CEP112: variants seen among roughly 807,000 people sequenced by gnomAD.
The protein encoded by CEP112 is centrosomal protein of 112 kDa.
In CEP112, 127 loss-of-function variants were observed where a neutral mutation model predicts 153.0. That is an observed-to-expected ratio of 0.83 (90% CI 0.72 to 0.96). CEP112 has a LOEUF of 0.96. Among genes scored for constraint, CEP112 ranks in the 40% least tolerant of loss-of-function variants. The pLI is 0.00. For synonymous variants in CEP112, 358 were observed against 374.4 expected (o/e 0.96, Z 0.51); for missense variants, 1,089 against 1,101.2 (o/e 0.99, Z 0.16).
chr17:65,969,357 T>G (rs890782905), intron 17 of CEP112, among the ~76,000 whole-genome samples: 4 of 152,166 alleles, frequency 2.6e-5, no homozygotes, highest in Non-Finnish European at 4.4e-5. Context: ...TGAAAAATAT[T>G]TAAGATTAAC....
intron 20 of CEP112, among the ~76,000 whole-genome samples, chr17:65,896,353 A>G (rs2059658760): frequency 6.6e-6 from 1 of 152,054 alleles, no homozygotes. Context: ...GTTTAATCAC[A>G]GGTATATATA....
chr17:66,176,938 C>T lies in CEP112; in HGVS notation c.189G>A (p.Arg63=). The T allele has an allele frequency of 6.2e-7, 1 of 1,613,978 alleles. No homozygotes were observed. Among genetic ancestry groups the T allele is most frequent in the East Asian group, 2.2e-5 (1 of 44,872 alleles). ...TGAGIMGRKN[R]NLYAKLLLHM... is the part of the protein sequence containing the mutation. The stretch of plus-strand genomic sequence containing the variant: ...GCAATAACAATTTTGCATACAGGTT[C>T]CGATTCTTCCTCCCCATTATTCCTG... Residue 63 remains arginine, a synonymous_variant, in exon 3 of 27, where the codon CGG becomes CGA. Transcript: ENST00000535342.
Position 65,970,696 on chromosome 17 carries a change from T to C in CEP112, c.1737-9098A>G, listed in dbSNP as rs1044015286. 2.4e-4 allele frequency among the ~76,000 whole-genome samples: 33 copies of C among 137,730 alleles called. No individual in the cohort carries two copies. The Admixed American group carries it at 2.6e-3, about 11-fold the overall frequency. 90.4% of individuals were successfully genotyped at this position (137,730 alleles called of 152,430 possible). A position where few individuals can be genotyped will look rare whatever the true frequency, so the allele number is the denominator to read the frequency against. The stretch of plus-strand genomic sequence containing the variant: ...TACACGCATATCACACACATGCATA[T>C]TACATGCATACACATGACATGTGCC... On this transcript the variant is annotated intron_variant, in intron 17 of 26. Transcript: ENST00000535342.
chr17:66,121,217 G>A (rs229861), intron 6 of CEP112, among the ~76,000 whole-genome samples: 62,473 of 151,664 alleles, frequency 0.41, 14,060 homozygotes, highest in Non-Finnish European at 0.5. Context: ...CAGAAGTTGC[G>A]GTAAGCTGAG....
intron 21 of CEP112, among the ~76,000 whole-genome samples, chr17:65,836,819 C>T (rs2057323189): frequency 7.0e-6 from 1 of 143,502 alleles, no homozygotes; most frequent in South Asian, 2.5e-4. Flanking sequence ...CTCTCCCCAT[C>T]CCCTTCCCCC....
chr17:66,129,796 A>G lies in CEP112; in HGVS notation c.592T>C (p.Ser198Pro), dbSNP rs376894236. 83 of 1,612,410 alleles carry G rather than the reference A, an allele frequency of 5.1e-5. No individual in the cohort carries two copies. In the East Asian group the frequency reaches 1.3e-3, roughly 24 times the overall value. ...GCTTCAATGTCACTATCATCCAAAGAAACAGGAGATTTTTTCGAATAAACT... is the reference window on the plus strand; with the variant it reads ...GCTTCAATGTCACTATCATCCAAAGGAACAGGAGATTTTTTCGAATAAACT... ...CEVYSKKSPV[S>P]LDDSDIEARL... The change falls in exon 6 of 27, where the codon TCT becomes CCT. Residue 198 changes from serine to proline, a missense_variant. Transcript: ENST00000535342.
At chr17:66,151,899 T>A (rs895504499) in intron 4 of CEP112, among the ~76,000 whole-genome samples, 2 of 151,946 alleles carry the variant, frequency 1.3e-5, no homozygotes, top group Non-Finnish European at 2.9e-5. Flanking sequence ...GAGAAAAAAA[T>A]TAAAAAATTT....
chr17:65,750,772 G>T (rs930195290), intron 21 of CEP112, 48 bp from the exon 22 acceptor site: 3 of 1,559,096 alleles, frequency 1.9e-6, no homozygotes, highest in African/African-American at 1.4e-5. Flanking sequence ...CTGTGAGCTT[G>T]GTATCTCTTC....
rs35204241 is a variant in CEP112, at chr17:65,911,314, A to G, written c.1981-8980T>C. On this transcript the variant is annotated intron_variant, in intron 19 of 26. Transcript: ENST00000535342. ...CAAAATATAAATGTTATAAACTTCA[A>G]CAATGTATAAATAATACTATGGTTG... is the stretch of plus-strand genomic sequence containing the variant. Among the ~76,000 whole-genome samples the G allele has an allele frequency of 1.6e-3, 247 of 152,338 alleles. 4 individuals are homozygous for G. Among genetic ancestry groups the G allele is most frequent in the Non-Finnish European group, 2.1e-3 (144 of 68,036 alleles).
intron 6 of CEP112, among the ~76,000 whole-genome samples, chr17:66,099,448 G>C (rs2068473840): frequency 6.9e-6 from 1 of 145,600 alleles, no homozygotes; most frequent in Non-Finnish European, 1.5e-5. Context: ...AGGTTGCAGT[G>C]AGCTGAGATC....
chr17:65,755,097 G>GA (rs1329281099), intron 21 of CEP112, among the ~76,000 whole-genome samples: 7 of 149,864 alleles, frequency 4.7e-5, no homozygotes, highest in Non-Finnish European at 8.9e-5. Context: ...AGTTGAAAAA[G>GA]AAAAAAAAAT....
chr17:65,696,698 C>G (rs1015128538), intron 23 of CEP112, among the ~76,000 whole-genome samples: 1 of 152,108 alleles, frequency 6.6e-6, no homozygotes, highest in Admixed American at 6.5e-5. Flanking sequence ...GTCACCCTGG[C>G]AAACTGCGGG....
intron 21 of CEP112, chr17:65,826,410 CCT>C: frequency 2.5e-6 from 4 of 1,573,464 alleles, no homozygotes; most frequent in South Asian, 2.4e-5. Context: ...GCCTCCCTCC[CCT>C]GATAGAAAGG....
intron 4 of CEP112, among the ~76,000 whole-genome samples, chr17:66,147,911 T>C (rs2146656658): frequency 6.6e-6 from 1 of 152,372 alleles, no homozygotes. Context: ...ACAGTGGCTT[T>C]GCAGCAAGTT....
chr17:65,859,298 G>A (rs911854184), intron 20 of CEP112, among the ~76,000 whole-genome samples: 4 of 151,782 alleles, frequency 2.6e-5, no homozygotes, highest in African/African-American at 9.7e-5. Flanking sequence ...AAAGTAGCTG[G>A]GCGGGGTGGC....
chr17:65,816,668 T>C lies in CEP112; in HGVS notation c.2394+35136A>G, dbSNP rs1488477639. ...AACCCTACCTGACCTTGATGTGCTA[T>C]CCTTTTTATATATTGATGGATTTGA... On this transcript the variant is annotated intron_variant, in intron 21 of 26. Transcript: ENST00000535342. Among the ~76,000 whole-genome samples the C allele has an allele frequency of 2.6e-5, 4 of 152,214 alleles. No individual in the cohort carries two copies. In the East Asian group the frequency reaches 7.7e-4, roughly 29 times the overall value.
chr17:65,826,157 G>C (rs753254925), intron 21 of CEP112: 3 of 1,614,142 alleles, frequency 1.9e-6, no homozygotes, highest in Non-Finnish European at 2.5e-6. Context: ...TTTGAGGTTA[G>C]ATTTTCCTGT....
intron 6 of CEP112, among the ~76,000 whole-genome samples, chr17:66,117,329 T>C (rs1231851822): frequency 1.3e-5 from 2 of 152,140 alleles, no homozygotes; most frequent in African/African-American, 2.4e-5. Context: ...TCGTTAGCTA[T>C]AGCTATAAAT....
At chr17:66,018,833 G>A (rs12451832) in intron 16 of CEP112, among the ~76,000 whole-genome samples, 62,512 of 151,966 alleles carry the variant, frequency 0.41, 14,315 homozygotes, top group East Asian at 0.87. Context: ...ATTTTAGAAC[G>A]TAGGTGCTTA....
Sources: allele counts gnomAD v4.1 joint callset (sites outside exome capture counted in the v4.1 genomes callset), GRCh38; gene constraint gnomAD v4.1.1; transcripts MANE v1.5; gene names NCBI Gene and HGNC (gene_info 2026-07-23, HGNC 2026-07-21).